NCOR2: variants seen among roughly 807,000 people sequenced by gnomAD.
NCOR2 encodes CTG repeat protein 26.
Under a neutral mutation model 262.9 loss-of-function variants are expected in NCOR2, and 81 were observed. That is an observed-to-expected ratio of 0.31 (90% CI 0.26 to 0.37). The LOEUF (loss-of-function observed/expected upper bound fraction) is 0.37, where lower values mean the gene tolerates loss of function less well. Ranked by LOEUF, NCOR2 falls within the 10% of genes least tolerant of loss-of-function variation. NCOR2 has a pLI of 1.00. For synonymous variants in NCOR2, 1,659 were observed against 1,559.3 expected, an observed-to-expected ratio of 1.06 and a Z score of -1.51; for missense variants, 3,385 against 3,621.4, an observed-to-expected ratio of 0.93 and a Z score of 1.68.
chr12:124,433,845 TACACACACACACACACACACAC>T (rs1204258133), intron 8 of NCOR2, among the ~76,000 whole-genome samples: 3 of 18,270 alleles, frequency 1.6e-4, no homozygotes, highest in African/African-American at 2.8e-4. Flanking sequence ...CTCTCTGTCT[TACACACACACACACACACACAC>T]ACACACACAC....
At chr12:124,347,609 T>C in intron 30 of NCOR2, 1 of 562,652 alleles carries the variant, frequency 1.8e-6, no homozygotes, top group South Asian at 2.3e-5. Flanking sequence ...AGCACAGGGG[T>C]GATCGGTGGT....
chr12:124,431,898 G>A (rs1022114328), intron 8 of NCOR2, among the ~76,000 whole-genome samples: 1 of 151,354 alleles, frequency 6.6e-6, no homozygotes, highest in Non-Finnish European at 1.5e-5. Flanking sequence ...TATATACACA[G>A]GCACATAAGT....
intron 13 of NCOR2, among the ~76,000 whole-genome samples, chr12:124,417,794 C>T (rs2042990263): frequency 6.6e-6 from 1 of 152,234 alleles, no homozygotes; most frequent in South Asian, 2.1e-4. Context: ...AGCACAGTGG[C>T]TCATGCCTGT....
rs201007895 is a variant in NCOR2, at chr12:124,424,202, CT to C, written c.1329-1648del. On this transcript the variant is annotated intron_variant, in intron 11 of 46. Coordinates refer to ENST00000405201, the Ensembl canonical transcript of NCOR2. The stretch of plus-strand genomic sequence containing the variant: ...AGCCGCAGAAAGTCTCCCAGAACAC[CT>C]TTTTTTTTGTATTTCAGAAAAAATA... 5.1e-4 allele frequency among the ~76,000 whole-genome samples: 78 copies of C among 151,696 alleles called. 2 individuals are homozygous for C. Among genetic ancestry groups the C allele is most frequent in the African/African-American group, 1.4e-3 (56 of 41,392 alleles).
intron 19 of NCOR2, 72 bp downstream of exon 21, chr12:124,374,340 TG>T (rs2039809750): frequency 2.0e-6 from 3 of 1,487,380 alleles, no homozygotes; most frequent in Non-Finnish European, 2.8e-6. Flanking sequence ...GGGTTCCTTG[TG>T]GAGGACCGGG....
At chr12:124,556,034 G>A (rs932541206) in intron 1 of NCOR2, 1 of 152,256 alleles carries the variant, frequency 6.6e-6, no homozygotes, top group Non-Finnish European at 1.5e-5. Context: ...CCATTTTATA[G>A]ATGGCGAAAT....
intron 11 of NCOR2, 133 bp from the exon 14 acceptor site, chr12:124,422,688 G>C: frequency 1.4e-5 from 13 of 913,638 alleles, no homozygotes; most frequent in Admixed American, 2.1e-5. Context: ...GAGCAATTAA[G>C]CCCAGGGGGG....
In NCOR2 at chr12:124,443,975, C is replaced by T. The variant is rs960790194; in HGVS notation, c.815+5840G>A. On this transcript the variant is annotated intron_variant, in intron 7 of 46. Transcript: ENST00000405201. The surrounding 1 kb of genome is among the most constrained non-coding windows in gnomAD (Gnocchi z 4.4). ...TCCTTTCAAAGGTCGCCCAGCTCCC[C>T]GTTCCTCAGCCCCTACTACTCCCTA... is the stretch of plus-strand genomic sequence containing the variant. Among the ~76,000 whole-genome samples, 37 of 152,258 alleles carry T rather than the reference C, an allele frequency of 2.4e-4. No homozygotes were observed. The highest frequency in any genetic ancestry group is 8.9e-4 in the African/African-American group (37 of 41,544).
At chr12:124,456,358 G>T (rs1002596812) in intron 6 of NCOR2, among the ~76,000 whole-genome samples, 1 of 152,200 alleles carries the variant, frequency 6.6e-6, no homozygotes, top group East Asian at 1.9e-4. Context: ...CAGGGGCTGC[G>T]GCCCATTCTC....
chr12:124,336,980 C>T (rs368978062), exon 38 of NCOR2: 21 of 1,513,594 alleles, frequency 1.4e-5, no homozygotes, highest in Admixed American at 6.7e-5. Flanking sequence ...CAGCCCGGAG[C>T]GGGCTGGGGG....
chr12:124,391,999 C>T (rs1342560090), intron 16 of NCOR2, among the ~76,000 whole-genome samples: 1 of 152,240 alleles, frequency 6.6e-6, no homozygotes, highest in Non-Finnish European at 1.5e-5. Flanking sequence ...CTCCCTCTGG[C>T]CTTGGTCTTC....
chr12:124,361,160 A>T (rs1269143679), intron 22 of NCOR2, among the ~76,000 whole-genome samples: 1 of 147,498 alleles, frequency 6.8e-6, no homozygotes, highest in Non-Finnish European at 1.5e-5. Flanking sequence ...GGGATGTCAC[A>T]CCCAAGGCAG....
At chr12:124,496,958 G>T (rs909857005), upstream of NCOR2, among the ~76,000 whole-genome samples, 9 of 152,240 alleles carry the variant, frequency 5.9e-5, no homozygotes, top group African/African-American at 2.2e-4. This position sits in a 1 kb window ranked among gnomAD's most constrained non-coding sequence, Gnocchi z 4.4. Context: ...CATGCAGCAG[G>T]AGCCTGCCTG....
chr12:124,547,912 A>G (rs376733103), intron 1 of NCOR2, among the ~76,000 whole-genome samples: 7 of 152,284 alleles, frequency 4.6e-5, no homozygotes, highest in South Asian at 2.1e-4. Flanking sequence ...TTATATGAGA[A>G]AAGTGTGTTA....
intron 17 of NCOR2, among the ~76,000 whole-genome samples, chr12:124,379,826 G>C (rs1256556299): frequency 2.0e-5 from 3 of 152,364 alleles, no homozygotes; most frequent in African/African-American, 7.2e-5. Context: ...TGGAAGAAAA[G>C]GGAAACACGG....
At chr12:124,370,164 A>G (rs2039380924) in intron 20 of NCOR2, among the ~76,000 whole-genome samples, 1 of 152,160 alleles carries the variant, frequency 6.6e-6, no homozygotes, top group African/African-American at 2.4e-5. Flanking sequence ...CAGCCACACC[A>G]TGAACACTGT....
chr12:124,515,036 C>T (rs1471955184), intron 1 of NCOR2, among the ~76,000 whole-genome samples: 1 of 152,136 alleles, frequency 6.6e-6, no homozygotes, highest in East Asian at 1.9e-4. Flanking sequence ...CTTACAGCAG[C>T]TCAGTCATGA....
intron 4 of NCOR2, 94 bp from the exon 7 acceptor site, chr12:124,466,380 G>A (rs759835178): frequency 3.4e-4 from 384 of 1,113,198 alleles, no homozygotes; most frequent in Non-Finnish European, 4.5e-4. Flanking sequence ...CTTGCAGCCC[G>A]GGCCACGGCC....
intron 20 of NCOR2, among the ~76,000 whole-genome samples, chr12:124,369,788 C>T (rs993542643): frequency 1.3e-5 from 2 of 152,070 alleles, no homozygotes; most frequent in African/African-American, 2.4e-5. Context: ...AAGGGGTGGA[C>T]GTACGCCAGG....
Sources: allele counts gnomAD v4.1 joint callset (sites outside exome capture counted in the v4.1 genomes callset), GRCh38; gene constraint gnomAD v4.1.1; non-coding constraint Gnocchi (gnomAD v3.1); transcripts MANE v1.5; gene names NCBI Gene and HGNC (gene_info 2026-07-23, HGNC 2026-07-21).